STN1: variants seen among roughly 807,000 people sequenced by gnomAD.
The protein encoded by STN1 is CST complex subunit STN1.
STN1 carries 29 observed loss-of-function variants against 45.5 expected under a neutral mutation model. The ratio of observed to expected loss-of-function variants is 0.64; its 90% CI spans 0.47 to 0.87. The LOEUF (loss-of-function observed/expected upper bound fraction) is 0.87, where lower values mean the gene tolerates loss of function less well. Among genes scored for constraint, STN1 ranks in the 40% least tolerant of loss-of-function variants. The pLI is 0.00. For missense variants in STN1, 376 were observed against 441.4 expected, an observed-to-expected ratio of 0.85 and a Z score of 1.33; for synonymous variants, 148 against 159.0, an observed-to-expected ratio of 0.93 and a Z score of 0.52.
Position 103,891,984 on chromosome 10 carries a change from C to G in STN1, c.876+146G>C, listed in dbSNP as rs959430292. The G allele has an allele frequency of 1.1e-5, 7 of 643,294 alleles. No homozygotes were observed. In the East Asian group the frequency reaches 2.0e-4, roughly 18 times the overall value. The allele number at this position is 643,294 out of a possible 1,614,324, so 39.8% of individuals were successfully genotyped here. The stretch of plus-strand genomic sequence containing the variant: ...AACTGTATTATTAAAAGAGATACCT[C>G]GGGGAAGGATAAGGGCCAACTTTCA... On this transcript the variant is annotated intron_variant, in intron 8 of 9. Transcript: ENST00000224950.
chr10:103,912,477 G>GAT (rs747250582), intron 2 of STN1, among the ~76,000 whole-genome samples: 19 of 152,198 alleles, frequency 1.2e-4, no homozygotes, highest in Non-Finnish European at 2.6e-4. Context: ...AAAAGGATAG[G>GAT]GAGCCTGCAG....
chr10:103,904,118 C>T (rs902426337), intron 4 of STN1, among the ~76,000 whole-genome samples: 3 of 152,028 alleles, frequency 2.0e-5, no homozygotes, highest in East Asian at 3.9e-4. Flanking sequence ...TCTTACCATA[C>T]ATAATGCAAG....
In STN1 at chr10:103,900,101, T is replaced by G; in HGVS notation, c.418A>C (p.Thr140Pro). The G allele has an allele frequency of 6.2e-7, 1 of 1,614,230 alleles. No individual in the cohort carries two copies. Among genetic ancestry groups the G allele is most frequent in the Non-Finnish European group, 8.5e-7 (1 of 1,180,026 alleles). ...DTIRVRGSIR[T>P]YREEREIHAT... ...TGAATCTCTCGCTCTTCTCTGTATG[T>G]GCGGATACTGCCTCTGACTCGGATC... is the stretch of plus-strand genomic sequence containing the variant. Residue 140 changes from threonine to proline, a missense_variant, in exon 5 of 10, where the codon ACA becomes CCA. Coordinates refer to ENST00000224950, the MANE Select transcript of STN1 (RefSeq NM_024928.5).
At chr10:103,899,103 G>T in intron 5 of STN1, 103 bp from the exon 6 acceptor site, 2 of 1,264,506 alleles carry the variant, frequency 1.6e-6, no homozygotes, top group Non-Finnish European at 2.2e-6. Context: ...TAAATGAGGT[G>T]CTGGGTGGGC....
intron 3 of STN1, among the ~76,000 whole-genome samples, chr10:103,908,216 G>A (rs1359156745): frequency 6.6e-6 from 1 of 152,110 alleles, no homozygotes; most frequent in African/African-American, 2.4e-5. Context: ...CAATATTCTA[G>A]GTCTAAGCTC....
rs1338480885 is a variant in STN1 at position 103,909,424 on chromosome 10, GTATATATATGTA to G, written c.229+1091_229+1102del. Among the ~76,000 whole-genome samples, 30 of 48,374 alleles carry G rather than the reference GTATATATATGTA, an allele frequency of 6.2e-4. 3 individuals are homozygous for G. The highest frequency in any genetic ancestry group is 8.9e-4 in the East Asian group (2 of 2,246). The allele number at this position is 48,374 out of a possible 152,430, so 31.7% of individuals were successfully genotyped here. A position where few individuals can be genotyped will look rare whatever the true frequency, so the allele number is the denominator to read the frequency against. ...TATATATATGTATATATGTATATATGTATATATATGTATATATATGTATATATGTATATATGT... is the reference window on the plus strand; with the variant it reads ...TATATATATGTATATATGTATATATGTATATATGTATATATGTATATATGT... On this transcript the variant is annotated intron_variant, in intron 3 of 9. Coordinates refer to ENST00000224950, the MANE Select transcript of STN1 (RefSeq NM_024928.5).
Position 103,892,271 on chromosome 10 carries a change from G to A in STN1, c.754-19C>T, listed in dbSNP as rs1564632217. The A allele has an allele frequency of 1.9e-6, 3 of 1,575,448 alleles. No homozygotes were observed. Among genetic ancestry groups the A allele is most frequent in the Admixed American group, 2.1e-5 (1 of 48,224 alleles). Reference sequence around the variant, plus strand: ...AATTCACCTGTAAAGAGAGGAAAAAGAAAAAAGAAAAGAAATAAGTCTCAC... The same window carrying A: ...AATTCACCTGTAAAGAGAGGAAAAAAAAAAAAGAAAAGAAATAAGTCTCAC... On this transcript the variant is annotated intron_variant, in intron 7 of 9. Coordinates refer to ENST00000224950, the MANE Select transcript of STN1 (RefSeq NM_024928.5).
intron 3 of STN1, among the ~76,000 whole-genome samples, chr10:103,907,885 T>C (rs1255661313): frequency 6.6e-6 from 1 of 151,456 alleles, no homozygotes; most frequent in African/African-American, 2.4e-5. Flanking sequence ...TCTCAGCACT[T>C]TGGGAGGCCG....
At chr10:103,907,178 T>G (rs186234550) in intron 3 of STN1, among the ~76,000 whole-genome samples, 4 of 152,266 alleles carry the variant, frequency 2.6e-5, no homozygotes, top group Admixed American at 2.0e-4. Flanking sequence ...TACTTCCAGA[T>G]AAAACAAAAA....
At chr10:103,908,101 C>T (rs1038099648) in intron 3 of STN1, among the ~76,000 whole-genome samples, 1 of 149,178 alleles carries the variant, frequency 6.7e-6, no homozygotes, top group Non-Finnish European at 1.5e-5. Context: ...TGCACTCCAG[C>T]GTGGGCCACA....
intron 5 of STN1, among the ~76,000 whole-genome samples, chr10:103,899,220 G>A (rs1367831584): frequency 6.6e-6 from 1 of 152,218 alleles, no homozygotes; most frequent in Non-Finnish European, 1.5e-5. Context: ...GCTTGGCCAG[G>A]GCCAAGGAAC....
intron 2 of STN1, among the ~76,000 whole-genome samples, chr10:103,916,343 G>C (rs1433633929): frequency 6.6e-6 from 1 of 152,184 alleles, no homozygotes; most frequent in Non-Finnish European, 1.5e-5. Context: ...TCTTCCTGAA[G>C]AGATGAGCTA....
At chr10:103,897,409 A>C (rs920369375) in intron 7 of STN1, 139 bp downstream of exon 7, 1 of 753,936 alleles carries the variant, frequency 1.3e-6, no homozygotes, top group Non-Finnish European at 2.2e-6. Context: ...CAGAATAGAA[A>C]TAATGTGTGA....
At chr10:103,916,961 A>G (rs544181885) in intron 2 of STN1, among the ~76,000 whole-genome samples, 1 of 152,286 alleles carries the variant, frequency 6.6e-6, no homozygotes, top group East Asian at 1.9e-4. Flanking sequence ...TAATATTTTG[A>G]TTCTGCTTAA....
chr10:103,913,058 C>T (rs1435213129), intron 2 of STN1, among the ~76,000 whole-genome samples: 2 of 152,198 alleles, frequency 1.3e-5, no homozygotes, highest in Non-Finnish European at 2.9e-5. Flanking sequence ...CTTTGGGTCT[C>T]CAAGGAGATC....
chr10:103,887,961 T>C (rs1843115001), intron 9 of STN1, among the ~76,000 whole-genome samples: 2 of 152,224 alleles, frequency 1.3e-5, no homozygotes, highest in Admixed American at 1.3e-4. Flanking sequence ...AATCCCACAT[T>C]GCACTGCTCT....
intron 7 of STN1, among the ~76,000 whole-genome samples, chr10:103,895,349 T>G (rs540407825): frequency 1.3e-5 from 2 of 152,240 alleles, no homozygotes; most frequent in Non-Finnish European, 2.9e-5. Context: ...TACTTAATTA[T>G]AGCTATCACG....
intron 2 of STN1, among the ~76,000 whole-genome samples, chr10:103,912,407 A>AT (rs1843297943): frequency 6.6e-6 from 1 of 152,268 alleles, no homozygotes; most frequent in Non-Finnish European, 1.5e-5. Context: ...AGTCTTTTCC[A>AT]TAACACCATT....
At chr10:103,914,166 T>C (rs947064111) in intron 2 of STN1, among the ~76,000 whole-genome samples, 3 of 151,938 alleles carry the variant, frequency 2.0e-5, no homozygotes, top group African/African-American at 7.3e-5. Flanking sequence ...TTCTTATGAA[T>C]ATATTATTTC....
Sources: gnomAD v4.1 joint callset for allele counts (sites outside exome capture counted in the v4.1 genomes callset) on GRCh38, gnomAD v4.1.1 for gene constraint, MANE v1.5 for transcripts, NCBI Gene and HGNC (gene_info 2026-07-23, HGNC 2026-07-21) for gene names.